The following AGMO variants were observed in gnomAD, a reference collection of about 807,000 sequenced individuals.
AGMO encodes the protein alkylglycerol monooxygenase.
In AGMO, 75 loss-of-function variants were observed where a neutral mutation model predicts 60.2. The ratio of observed to expected loss-of-function variants is 1.25; its 90% confidence interval spans 1.03 to 1.51. The LOEUF (loss-of-function observed/expected upper bound fraction) is 1.51. Among genes scored for constraint, AGMO ranks in the 40% most tolerant of loss-of-function variants. AGMO has a pLI of 0.00. For synonymous variants in AGMO, 261 were observed against 177.1 expected (o/e 1.47, Z -3.76); for missense variants, 763 against 525.5 (o/e 1.45, Z -4.42).
At chr7:15,377,243 CAT>C (rs1329781829) in intron 10 of AGMO, among the ~76,000 whole-genome samples, 15 of 152,076 alleles carry the variant, frequency 9.9e-5, no homozygotes, top group Admixed American at 1.3e-4. Flanking sequence ...AAGAAAAACA[CAT>C]GTGGGAAACA....
chr7:15,380,164 G>C (rs1168275959), intron 10 of AGMO, among the ~76,000 whole-genome samples: 1 of 152,014 alleles, frequency 6.6e-6, no homozygotes, highest in Non-Finnish European at 1.5e-5. Flanking sequence ...TCTGGGCAGG[G>C]CATTCAGGCA....
the AGMO span, among the ~76,000 whole-genome samples, chr7:15,128,474 G>T: frequency 6.6e-6 from 1 of 151,924 alleles, no homozygotes; most frequent in Non-Finnish European, 1.5e-5. Context: ...GCTTGCTATG[G>T]ACTTTGTGAT....
At position 15,387,548 on chromosome 7, in the gene AGMO, C is replaced by T. The variant is rs779301065; in HGVS notation, c.823-8G>A. Reference sequence around the variant, plus strand: ...GGAAAATAAGTGATGGAACTAGAAACAATAAAAAAAGAGCTTATTTCACAT... The same window carrying T: ...GGAAAATAAGTGATGGAACTAGAAATAATAAAAAAAGAGCTTATTTCACAT... On this transcript the variant is annotated splice_polypyrimidine_tract_variant and splice_region_variant and intron_variant, in intron 8 of 12. Coordinates refer to ENST00000342526, the MANE Select transcript of AGMO (RefSeq NM_001004320.2). 7 of 1,577,402 alleles carry T rather than the reference C, an allele frequency of 4.4e-6. No homozygotes were observed. Among genetic ancestry groups the T allele is most frequent in the Non-Finnish European group, 6.0e-6 (7 of 1,169,526 alleles).
intron 12 of AGMO, among the ~76,000 whole-genome samples, chr7:15,245,267 G>C (rs143778020): frequency 1.3e-5 from 2 of 151,962 alleles, no homozygotes; most frequent in Non-Finnish European, 2.9e-5. Context: ...TCCCAATGTC[G>C]TCATCACTAC....
intron 3 of AGMO, among the ~76,000 whole-genome samples, chr7:15,541,364 C>G (rs1240382762): frequency 6.6e-6 from 1 of 152,196 alleles, no homozygotes. Flanking sequence ...TCATGATCCG[C>G]CAGCCTCAGC....
chr7:15,224,705 T>C (rs1782025113), intron 12 of AGMO, among the ~76,000 whole-genome samples: 1 of 152,052 alleles, frequency 6.6e-6, no homozygotes, highest in Non-Finnish European at 1.5e-5. Flanking sequence ...TTTGTATTGT[T>C]TGAGCACCAA....
chr7:15,461,230 T>G (rs1163670681), intron 3 of AGMO, among the ~76,000 whole-genome samples: 1 of 152,062 alleles, frequency 6.6e-6, no homozygotes, highest in Non-Finnish European at 1.5e-5. Flanking sequence ...CTTTTGAGAT[T>G]GGCCTAATAT....
intron 6 of AGMO, among the ~76,000 whole-genome samples, chr7:15,392,831 C>A (rs4721432): frequency 0.56 from 75,603 of 135,996 alleles, 19,299 homozygotes; most frequent in Middle Eastern, 0.71. Context: ...AACAAACAAA[C>A]AACTTTAAAT....
chr7:15,268,989 G>A (rs923495312), intron 12 of AGMO, among the ~76,000 whole-genome samples: 3 of 151,996 alleles, frequency 2.0e-5, no homozygotes, highest in Non-Finnish European at 4.4e-5. Flanking sequence ...GTGGTGGATC[G>A]TTTTACAATG....
At chr7:15,322,252 A>G (rs1294615775) in intron 12 of AGMO, among the ~76,000 whole-genome samples, 1 of 148,876 alleles carries the variant, frequency 6.7e-6, no homozygotes, top group Non-Finnish European at 1.5e-5. Flanking sequence ...AATATAAGAA[A>G]TACCAAGGTA....
At chr7:15,247,242 A>T (rs12154243) in intron 12 of AGMO, among the ~76,000 whole-genome samples, 11 of 152,010 alleles carry the variant, frequency 7.2e-5, no homozygotes, top group Non-Finnish European at 1.2e-4. Flanking sequence ...CTATTTAAAA[A>T]AATGCAAATA....
chr7:15,354,514 A>ACG (rs1782442861), intron 12 of AGMO, among the ~76,000 whole-genome samples: 1 of 82,480 alleles, frequency 1.2e-5, no homozygotes, highest in Non-Finnish European at 2.3e-5. Flanking sequence ...ATATATATAT[A>ACG]TATATATATA....
rs1489677708 is a variant in AGMO, at chr7:15,431,121, T to C, written c.410-13A>G. 2.5e-6 allele frequency: 4 copies of C among 1,577,984 alleles called. No homozygotes were observed. Among genetic ancestry groups the C allele is most frequent in the Non-Finnish European group, 3.5e-6 (4 of 1,148,494 alleles). ...ATAATATTAACTTCTGCAAAACACA[T>C]AATTTGCAATGAGCCATGAGAATAA... On this transcript the variant is annotated splice_polypyrimidine_tract_variant and intron_variant, in intron 3 of 12. Coordinates refer to ENST00000342526, the MANE Select transcript of AGMO (RefSeq NM_001004320.2).
chr7:15,553,275 A>G (rs1004665937), intron 2 of AGMO, among the ~76,000 whole-genome samples: 1 of 152,126 alleles, frequency 6.6e-6, no homozygotes, highest in Middle Eastern at 3.4e-3. Context: ...TACATATGTA[A>G]CTAACCTGCG....
chr7:15,183,032 C>T, the AGMO span, among the ~76,000 whole-genome samples: 1 of 152,090 alleles, frequency 6.6e-6, no homozygotes, highest in Non-Finnish European at 1.5e-5. Flanking sequence ...TCACCTCCCA[C>T]CAGGTCTCAC....
intron 12 of AGMO, among the ~76,000 whole-genome samples, chr7:15,360,454 C>G (rs4455742): frequency 6.6e-6 from 1 of 151,992 alleles, no homozygotes; most frequent in African/African-American, 2.4e-5. Flanking sequence ...ATTCTGTATG[C>G]TGAATGTATG....
chr7:15,371,939 T>C (rs1293504968), intron 10 of AGMO, among the ~76,000 whole-genome samples: 1 of 151,904 alleles, frequency 6.6e-6, no homozygotes, highest in African/African-American at 2.4e-5. Context: ...AAATATTAAA[T>C]ATTTAAATAT....
intron 12 of AGMO, among the ~76,000 whole-genome samples, chr7:15,282,246 A>C (rs1783987763): frequency 6.6e-6 from 1 of 152,090 alleles, no homozygotes; most frequent in African/African-American, 2.4e-5. Context: ...CTACAATACC[A>C]GATAAAGAAT....
chr7:15,250,803 G>A (rs894646693), intron 12 of AGMO, among the ~76,000 whole-genome samples: 2 of 151,840 alleles, frequency 1.3e-5, no homozygotes, highest in Admixed American at 6.6e-5. Context: ...AAATGAGACC[G>A]GCATGGTGGC....
Sources: gnomAD v4.1 joint callset for allele counts (sites outside exome capture counted in the v4.1 genomes callset) on GRCh38, gnomAD v4.1.1 for gene constraint, MANE v1.5 for transcripts, NCBI Gene and HGNC (gene_info 2026-07-23, HGNC 2026-07-21) for gene names.